Variants in CLYBL observed in about 807,000 individuals in gnomAD.
The protein encoded by CLYBL is citramalyl-CoA lyase, mitochondrial.
In CLYBL, 31 loss-of-function variants were observed where a neutral mutation model predicts 38.9. The ratio of observed to expected loss-of-function variants is 0.80; its 90% CI spans 0.60 to 1.08. CLYBL has a LOEUF of 1.08. Among genes scored for constraint, CLYBL ranks in the 50% least tolerant of loss-of-function variants. The pLI is 0.00. For missense variants in CLYBL, 434 were observed against 411.6 expected, an observed-to-expected ratio of 1.05 and a Z score of -0.47; for synonymous variants, 171 against 158.6, an observed-to-expected ratio of 1.08 and a Z score of -0.59.
chr13:99,795,278 C>T (rs1050108146), intron 2 of CLYBL, among the ~76,000 whole-genome samples: 1 of 152,146 alleles, frequency 6.6e-6, no homozygotes, highest in South Asian at 2.1e-4. Context: ...CAGTTGGGCC[C>T]TGAATTCTCA....
At chr13:99,873,376 G>C (rs1396777663) in intron 7 of CLYBL, among the ~76,000 whole-genome samples, 1 of 152,166 alleles carries the variant, frequency 6.6e-6, no homozygotes, top group African/African-American at 2.4e-5. Context: ...CAAACATCTA[G>C]TCTGTTTTAT....
At chr13:99,853,797 A>G (rs1045293999) in intron 2 of CLYBL, among the ~76,000 whole-genome samples, 3 of 152,234 alleles carry the variant, frequency 2.0e-5, no homozygotes, top group African/African-American at 7.2e-5. Flanking sequence ...ATAAAAAGTT[A>G]TATGAAAAAG....
chr13:99,833,038 T>C, intron 2 of CLYBL, among the ~76,000 whole-genome samples: 1 of 41,962 alleles, frequency 2.4e-5, no homozygotes, highest in Non-Finnish European at 5.0e-5. Context: ...ATATTTTTTT[T>C]TTTTTTTTTT....
At chr13:99,854,413 T>C (rs1167468249) in intron 2 of CLYBL, among the ~76,000 whole-genome samples, 2 of 151,158 alleles carry the variant, frequency 1.3e-5, no homozygotes, top group African/African-American at 4.9e-5. Context: ...TCTCGTATCC[T>C]GTCTGTCTCA....
At chr13:99,668,823 G>C (rs2047522199) in intron 1 of CLYBL, among the ~76,000 whole-genome samples, 1 of 151,978 alleles carries the variant, frequency 6.6e-6, no homozygotes, top group African/African-American at 2.4e-5. Context: ...ATAGGATGAA[G>C]GGATAAAATC....
At chr13:99,829,522 A>G (rs1030557403) in intron 2 of CLYBL, among the ~76,000 whole-genome samples, 7 of 152,200 alleles carry the variant, frequency 4.6e-5, no homozygotes, top group African/African-American at 1.7e-4. Flanking sequence ...ATGAGTTTTA[A>G]TAAAAGCAGG....
intron 1 of CLYBL, among the ~76,000 whole-genome samples, chr13:99,749,726 T>C (rs1403730733): frequency 6.6e-6 from 1 of 152,228 alleles, no homozygotes; most frequent in East Asian, 1.9e-4. Flanking sequence ...CTTATTTATA[T>C]TGGCACCACA....
At chr13:99,833,045 T>A (rs1470029140) in intron 2 of CLYBL, among the ~76,000 whole-genome samples, 2 of 92,352 alleles carry the variant, frequency 2.2e-5, no homozygotes, top group African/African-American at 8.1e-5. Context: ...TTTTTTTTTT[T>A]TTTTTTTTTT....
rs527537851 is a variant in CLYBL, at chr13:99,825,642, C to T, written c.250-33219C>T. 7.3e-4 allele frequency among the ~76,000 whole-genome samples: 111 copies of T among 152,288 alleles called. No homozygotes were observed. In the South Asian group the frequency reaches 0.022, roughly 30 times the overall value. Reference sequence around the variant, plus strand: ...CATGACTTGTTGGCTCAGTACAGCACACTGGTAATCTTGTTTCCTGAGGCT... The same window carrying T: ...CATGACTTGTTGGCTCAGTACAGCATACTGGTAATCTTGTTTCCTGAGGCT... On this transcript the variant is annotated intron_variant, in intron 2 of 8. Coordinates refer to ENST00000339105, the MANE Select transcript of CLYBL (RefSeq NM_206808.5).
intron 1 of CLYBL, among the ~76,000 whole-genome samples, chr13:99,756,590 T>C (rs557608913): frequency 1.3e-5 from 2 of 152,234 alleles, no homozygotes; most frequent in East Asian, 3.9e-4. Flanking sequence ...CTTAAAACAT[T>C]ATGAGATTTG....
rs763255371 is a variant in CLYBL, at chr13:99,866,396, T to C, written c.791T>C (p.Met264Thr). 8 of 1,611,738 alleles carry C rather than the reference T, an allele frequency of 5.0e-6. No individual in the cohort carries two copies. Among genetic ancestry groups the C allele is most frequent in the Admixed American group, 1.7e-5 (1 of 59,056 alleles). The change falls in exon 6 of 9, where the codon ATG becomes ACG. Residue 264 changes from methionine (M) to threonine (T), a missense_variant. Met to Thr is a moderately conservative substitution (Grantham distance 81, BLOSUM62 -1). Coordinates refer to ENST00000339105, the MANE Select transcript of CLYBL (RefSeq NM_206808.5). The part of the protein sequence containing the change: ...LLRQSREGAA[M>T]GFTGKQVIHP... ...AGACAGTCACGAGAAGGAGCCGCCA[T>C]GGGCTTCACTGGTATGATTCCTGTC...
At chr13:99,779,551 A>G (rs960139308) in intron 2 of CLYBL, among the ~76,000 whole-genome samples, 4 of 152,214 alleles carry the variant, frequency 2.6e-5, no homozygotes, top group African/African-American at 7.2e-5. Context: ...TATCCAATCC[A>G]TTGTGGACTG....
At chr13:99,664,730 A>AACACAAC (rs1297155493) in intron 1 of CLYBL, among the ~76,000 whole-genome samples, 1 of 152,196 alleles carries the variant, frequency 6.6e-6, no homozygotes, top group African/African-American at 2.4e-5. Flanking sequence ...ATGGCTAGAA[A>AACACAAC]ACACAACACA....
rs555598556 is a variant in CLYBL, at chr13:99,763,181, C to G, written c.63-9643C>G. ...TATTTTTTTCTCTTGCCTAATTGCT[C>G]TGGTCAGGATCTTCTAGTATTATAT... is the stretch of plus-strand genomic sequence containing the variant. On this transcript the variant is annotated intron_variant, in intron 1 of 8. Transcript: ENST00000339105. 3.9e-5 allele frequency among the ~76,000 whole-genome samples: 6 copies of G among 152,226 alleles called. No homozygotes were observed. The South Asian group carries it at 8.3e-4, about 21-fold the overall frequency.
At chr13:99,802,864 T>G (rs1445771734) in intron 2 of CLYBL, among the ~76,000 whole-genome samples, 1 of 152,222 alleles carries the variant, frequency 6.6e-6, no homozygotes, top group Non-Finnish European at 1.5e-5. Flanking sequence ...ATGTACTTTC[T>G]GTTCTGTAAC....
At chr13:99,679,736 G>T (rs184655154) in intron 1 of CLYBL, among the ~76,000 whole-genome samples, 23 of 146,966 alleles carry the variant, frequency 1.6e-4, no homozygotes, top group Admixed American at 2.7e-4. Context: ...AGGAGAGGGT[G>T]GGGGGGGAAA....
chr13:99,880,216 T>A (rs956386717), intron 7 of CLYBL, among the ~76,000 whole-genome samples: 1 of 151,736 alleles, frequency 6.6e-6, no homozygotes, highest in Admixed American at 6.6e-5. Context: ...TACAGGCGCA[T>A]GCCACTATGC....
At chr13:99,720,635 C>T (rs902713047) in intron 1 of CLYBL, among the ~76,000 whole-genome samples, 5 of 152,122 alleles carry the variant, frequency 3.3e-5, no homozygotes, top group Non-Finnish European at 5.9e-5. Context: ...TGCTTAGTTG[C>T]GTTCAAGGCT....
intron 1 of CLYBL, among the ~76,000 whole-genome samples, chr13:99,748,360 A>G (rs1222868376): frequency 6.7e-6 from 1 of 149,046 alleles, no homozygotes; most frequent in African/African-American, 2.5e-5. Context: ...AGCCTGGGTG[A>G]CAGAGCAAGA....
Sources: gnomAD v4.1 joint callset for allele counts (sites outside exome capture counted in the v4.1 genomes callset) on GRCh38, gnomAD v4.1.1 for gene constraint, MANE v1.5 for transcripts, NCBI Gene and HGNC (gene_info 2026-07-23, HGNC 2026-07-21) for gene names.